Variants in MGAT4C observed in about 807,000 individuals in gnomAD.
MGAT4C encodes MGAT4 family member C, also known as alpha-1,3-mannosyl-glycoprotein 4-beta-N-acetylglucosaminyltransferase C.
Under a neutral mutation model 40.1 loss-of-function variants are expected in MGAT4C, and 19 were observed. The ratio of observed to expected loss-of-function variants is 0.47; its 90% confidence interval spans 0.33 to 0.70. MGAT4C has a LOEUF of 0.70. Among genes scored for constraint, MGAT4C ranks in the 30% least tolerant of loss-of-function variants. The probability of loss-of-function intolerance (pLI) is 0.02; values close to 1 mark genes in which losing one functional copy is unlikely to be tolerated. For missense variants in MGAT4C, 491 were observed against 563.2 expected, an observed-to-expected ratio of 0.87 and a Z score of 1.30; for synonymous variants, 181 against 187.1, an observed-to-expected ratio of 0.97 and a Z score of 0.27.
In MGAT4C at chr12:85,968,682, C is replaced by G. The variant is rs1175798689; in HGVS notation, c.*10607G>C. 4 of 151,920 alleles carry G rather than the reference C, an allele frequency of 2.6e-5. No homozygotes were observed. The East Asian group carries it at 7.7e-4, about 29-fold the overall frequency. The allele number at this position is 151,920 out of a possible 1,614,324, so 9.4% of individuals were successfully genotyped here. ...CTTAGTTGCTCCGTGGTTGTCAAAT[C>G]TGTCTGCACATTAGGATCACTTAGG... is the stretch of plus-strand genomic sequence containing the variant. On this transcript the variant is annotated 3_prime_UTR_variant, in exon 5 of 5. Coordinates refer to ENST00000611864, the MANE Select transcript of MGAT4C (RefSeq NM_001351288.2).
intron 2 of MGAT4C, among the ~76,000 whole-genome samples, chr12:86,562,774 C>T (rs12307446): frequency 0.034 from 5,175 of 151,956 alleles, 149 homozygotes; most frequent in Middle Eastern, 0.085. Context: ...TGGAGAACAC[C>T]CATAGGAATG....
chr12:86,621,934 T>C lies in MGAT4C; in HGVS notation c.-229+105275A>G, dbSNP rs954870409. Among the ~76,000 whole-genome samples, 8 of 152,192 alleles carry C rather than the reference T, an allele frequency of 5.3e-5. No homozygotes were observed. In the East Asian group the frequency reaches 1.5e-3, roughly 29 times the overall value. ...GCAATGTTTGGCAGTGGTGGCAGGA[T>C]GCAGCTCACAGTCAGCCATGTGATT... On this transcript the variant is annotated intron_variant, in intron 2 of 7. Coordinates refer to the MGAT4C transcript ENST00000548651.
At chr12:86,407,894 T>C (rs1054439580) in intron 3 of MGAT4C, among the ~76,000 whole-genome samples, 3 of 152,098 alleles carry the variant, frequency 2.0e-5, no homozygotes, top group African/African-American at 7.2e-5. Flanking sequence ...AAGCATTAAA[T>C]GTATAGTTAA....
At chr12:86,632,235 T>A (rs904490330) in intron 2 of MGAT4C, among the ~76,000 whole-genome samples, 5 of 151,950 alleles carry the variant, frequency 3.3e-5, no homozygotes, top group African/African-American at 1.2e-4. Context: ...AGAATGGGGA[T>A]CATTAAAAAG....
chr12:86,688,257 T>C (rs1355436558), intron 2 of MGAT4C, among the ~76,000 whole-genome samples: 1 of 149,860 alleles, frequency 6.7e-6, no homozygotes, highest in Non-Finnish European at 1.5e-5. Flanking sequence ...ATGAAATGGG[T>C]CTCCTGAATA....
At chr12:86,486,277 AAAAG>A (rs1206184322) in intron 2 of MGAT4C, among the ~76,000 whole-genome samples, 4 of 152,124 alleles carry the variant, frequency 2.6e-5, no homozygotes, top group Non-Finnish European at 4.4e-5. Flanking sequence ...AAGGTCTATG[AAAAG>A]ACAAGACCCG....
chr12:85,998,984 T>A (rs955326921), intron 2 of MGAT4C, among the ~76,000 whole-genome samples: 1 of 152,036 alleles, frequency 6.6e-6, no homozygotes, highest in Non-Finnish European at 1.5e-5. Context: ...ACTGGGCAAT[T>A]TACAAAAGAA....
rs531521890 is a variant in MGAT4C at position 86,721,118 on chromosome 12, A to G, written c.-229+6091T>C. Among the ~76,000 whole-genome samples the G allele has an allele frequency of 1.2e-4, 19 of 152,240 alleles. No homozygotes were observed. In the East Asian group the frequency reaches 3.7e-3, roughly 29 times the overall value. On this transcript the variant is annotated intron_variant, in intron 2 of 7. Coordinates refer to the MGAT4C transcript ENST00000548651. ...ATGGTTATTGACTCATGCTTGAAAA[A>G]CTAAAGGGGAAACAGAGAAGGTGGC...
intron 1 of MGAT4C, among the ~76,000 whole-genome samples, chr12:86,069,531 C>A (rs1695599875): frequency 6.6e-6 from 1 of 152,156 alleles, no homozygotes; most frequent in African/African-American, 2.4e-5. Flanking sequence ...TGGAAGTGAA[C>A]AGTGTGAACT....
chr12:86,111,848 A>G (rs1877468658), intron 1 of MGAT4C, among the ~76,000 whole-genome samples: 1 of 151,872 alleles, frequency 6.6e-6, no homozygotes, highest in Admixed American at 6.6e-5. Context: ...AATGCAAAAT[A>G]TCTTTTCGAT....
At chr12:86,192,910 T>C (rs544312133) in intron 1 of MGAT4C, among the ~76,000 whole-genome samples, 1 of 152,170 alleles carries the variant, frequency 6.6e-6, no homozygotes, top group Non-Finnish European at 1.5e-5. Flanking sequence ...GATAAGTTAT[T>C]GTAGCATTAT....
At chr12:86,744,641 T>C (rs1362209562) in intron 1 of MGAT4C, among the ~76,000 whole-genome samples, 1 of 151,520 alleles carries the variant, frequency 6.6e-6, no homozygotes, top group Admixed American at 6.6e-5. Context: ...AGATTCTCCA[T>C]TATTCATTAT....
At chr12:86,268,597 T>G (rs2136104656) in intron 4 of MGAT4C, among the ~76,000 whole-genome samples, 1 of 150,384 alleles carries the variant, frequency 6.6e-6, no homozygotes, top group African/African-American at 2.4e-5. Flanking sequence ...GATACAACCT[T>G]AATAAAATAT....
At chr12:86,533,660 CATT>C (rs1959021054) in intron 2 of MGAT4C, among the ~76,000 whole-genome samples, 1 of 151,334 alleles carries the variant, frequency 6.6e-6, no homozygotes, top group Admixed American at 6.6e-5. Flanking sequence ...TATATACACA[CATT>C]AATTAAATTA....
chr12:86,709,578 ATATG>A (rs61331297), intron 2 of MGAT4C, among the ~76,000 whole-genome samples: 5 of 151,932 alleles, frequency 3.3e-5, no homozygotes, highest in South Asian at 2.1e-4. Flanking sequence ...TTTATTTTAC[ATATG>A]TATGTATGTA....
intron 1 of MGAT4C, among the ~76,000 whole-genome samples, chr12:86,161,520 G>A (rs760640832): frequency 2.7e-4 from 41 of 152,028 alleles, no homozygotes; most frequent in Non-Finnish European, 5.6e-4. Context: ...ATGGATTAAC[G>A]ATTTAAATGT....
intron 1 of MGAT4C, among the ~76,000 whole-genome samples, chr12:86,121,064 C>A (rs1238756264): frequency 6.6e-6 from 1 of 152,056 alleles, no homozygotes; most frequent in Non-Finnish European, 1.5e-5. Flanking sequence ...ACCTGATGGA[C>A]CTGAAAACCA....
At chr12:86,795,197 T>C (rs938432440) in intron 1 of MGAT4C, among the ~76,000 whole-genome samples, 6 of 151,986 alleles carry the variant, frequency 3.9e-5, no homozygotes, top group Admixed American at 2.6e-4. Context: ...GCATTTATTA[T>C]ATTCTAATTA....
chr12:86,259,228 A>C (rs2136093292), upstream of MGAT4C, among the ~76,000 whole-genome samples: 1 of 152,110 alleles, frequency 6.6e-6, no homozygotes, highest in South Asian at 2.1e-4. Flanking sequence ...TAGAGATACT[A>C]AACTTCAAGA....
Sources: gnomAD v4.1 joint callset for allele counts (sites outside exome capture counted in the v4.1 genomes callset) on GRCh38, gnomAD v4.1.1 for gene constraint, MANE v1.5 for transcripts, NCBI Gene and HGNC (gene_info 2026-07-23, HGNC 2026-07-21) for gene names.